The following MAP3K2 variants were observed in gnomAD, a reference collection of about 807,000 sequenced individuals.
MAP3K2 encodes the protein mitogen-activated protein kinase kinase kinase 2, also known as MAP/ERK kinase kinase 2.
A neutral mutation model predicts 80.3 loss-of-function variants in MAP3K2; 24 were observed. The ratio of observed to expected loss-of-function variants is 0.30; its 90% CI spans 0.22 to 0.42. The LOEUF (loss-of-function observed/expected upper bound fraction) is 0.42, where lower values mean the gene tolerates loss of function less well. MAP3K2 is among the 10% of genes least tolerant of loss of function. The pLI, the probability that MAP3K2 is intolerant of heterozygous loss-of-function variation, is 1.00. For synonymous variants in MAP3K2, 244 were observed against 253.7 expected, an observed-to-expected ratio of 0.96 and a Z score of 0.36; for missense variants, 608 against 750.1, an observed-to-expected ratio of 0.81 and a Z score of 2.21.
chr2:127,305,533 T>C lies in MAP3K2; in HGVS notation c.*2046A>G, dbSNP rs1472358323. 2 of 152,166 alleles carry C rather than the reference T, an allele frequency of 1.3e-5. No individual in the cohort carries two copies. The highest frequency in any genetic ancestry group is 2.9e-5 in the Non-Finnish European group (2 of 68,002). The allele number at this position is 152,166 out of a possible 1,614,324, so 9.4% of individuals were successfully genotyped here. On this transcript the variant is annotated 3_prime_UTR_variant, in exon 17 of 17. Coordinates refer to ENST00000682094, the MANE Select transcript of MAP3K2 (RefSeq NM_001371910.2). ...GACCTTGGCACAGTAAACCAAGATC[T>C]ACCTAACTTCAGAAACAAAGTATCG...
At position 127,304,636 on chromosome 2, in the gene MAP3K2, TTA is replaced by T. The variant is rs2104798919; in HGVS notation, c.*2941_*2942del. On this transcript the variant is annotated 3_prime_UTR_variant, in exon 17 of 17. Transcript: ENST00000682094. Reference sequence around the variant, plus strand: ...TGTGCATTTAAGAAACAAAACACATTTAGAGTTATCTTAAAAAGTTCAAATTG... The same window carrying T: ...TGTGCATTTAAGAAACAAAACACATTGAGTTATCTTAAAAAGTTCAAATTG... 6.6e-6 allele frequency: 1 copy of T among 152,396 alleles called. No individual in the cohort carries two copies. The highest frequency in any genetic ancestry group is 2.4e-5 in the African/African-American group (1 of 41,524). 9.4% of individuals were successfully genotyped at this position (152,396 alleles called of 1,614,324 possible).
At position 127,306,385 on chromosome 2, in the gene MAP3K2, A is replaced by C. The variant is rs550894033; in HGVS notation, c.*1194T>G. The C allele has an allele frequency of 2.6e-5, 4 of 152,246 alleles. No homozygotes were observed. The South Asian group carries it at 8.3e-4, about 32-fold the overall frequency. 9.4% of individuals were successfully genotyped at this position (152,246 alleles called of 1,614,324 possible). A position where few individuals can be genotyped will look rare whatever the true frequency, so the allele number is the denominator to read the frequency against. ...CAATTCATGTTACTAGTATCCCTCCAATTGTGACAACCGGAAATGTCTCTA... is the reference window on the plus strand; with the variant it reads ...CAATTCATGTTACTAGTATCCCTCCCATTGTGACAACCGGAAATGTCTCTA... On this transcript the variant is annotated 3_prime_UTR_variant, in exon 17 of 17. Coordinates refer to ENST00000682094, the MANE Select transcript of MAP3K2 (RefSeq NM_001371910.2). This position sits in a 1 kb window ranked among gnomAD's most constrained non-coding sequence, Gnocchi z 4.7.
chr2:127,350,454 C>CAAAA (rs752516255), intron 1 of MAP3K2, among the ~76,000 whole-genome samples: 17 of 99,410 alleles, frequency 1.7e-4, no homozygotes, highest in African/African-American at 5.1e-4. Flanking sequence ...AAAACAAAAA[C>CAAAA]AAAAAAAAAA....
intron 5 of MAP3K2, among the ~76,000 whole-genome samples, 159 bp from the exon 6 acceptor site, chr2:127,330,664 C>T (rs1686238901): frequency 6.6e-6 from 1 of 152,176 alleles, no homozygotes; most frequent in African/African-American, 2.4e-5. Context: ...GTTTTGCCCT[C>T]CTCATTCTAC....
chr2:127,380,719 G>A (rs978485262), intron 1 of MAP3K2, among the ~76,000 whole-genome samples: 8 of 152,104 alleles, frequency 5.3e-5, no homozygotes, highest in African/African-American at 1.9e-4. Context: ...TAACTACCAA[G>A]AGAAATATAG....
chr2:127,388,248 C>A (rs921479205), upstream of MAP3K2: 1 of 985,022 alleles, frequency 1.0e-6, no homozygotes, highest in African/African-American at 1.8e-5. Flanking sequence ...GCATACGCAC[C>A]TGGGTTGTCT....
In MAP3K2 at chr2:127,307,399, T is replaced by C. The variant is rs1401267268; in HGVS notation, c.*180A>G. On this transcript the variant is annotated 3_prime_UTR_variant, in exon 17 of 17. Transcript: ENST00000682094. This position sits in a 1 kb window ranked among gnomAD's most constrained non-coding sequence, Gnocchi z 5.4. ...TTGTAAGGGAAAAAAAGATTAAATATAAAAAATTTAGGATATTATTATTAT... is the reference window on the plus strand; with the variant it reads ...TTGTAAGGGAAAAAAAGATTAAATACAAAAAATTTAGGATATTATTATTAT... The C allele has an allele frequency of 5.1e-6, 2 of 389,070 alleles. No individual in the cohort carries two copies. Among genetic ancestry groups the C allele is most frequent in the African/African-American group, 2.1e-5 (1 of 47,982 alleles). 24.1% of individuals were successfully genotyped at this position (389,070 alleles called of 1,614,324 possible).
chr2:127,359,734 C>T (rs1286100946), intron 1 of MAP3K2, among the ~76,000 whole-genome samples: 4 of 152,068 alleles, frequency 2.6e-5, no homozygotes, highest in Admixed American at 6.6e-5. Flanking sequence ...GAGATCTGGA[C>T]GTTTAAAAGT....
At chr2:127,342,770 C>G (rs984439589) in intron 2 of MAP3K2, among the ~76,000 whole-genome samples, 1 of 152,110 alleles carries the variant, frequency 6.6e-6, no homozygotes, top group Admixed American at 6.5e-5. Context: ...AATATACGAC[C>G]AAGAGTTGTA....
intron 5 of MAP3K2, among the ~76,000 whole-genome samples, chr2:127,332,886 T>C (rs1166067052): frequency 1.3e-5 from 2 of 152,064 alleles, no homozygotes; most frequent in Non-Finnish European, 2.9e-5. Flanking sequence ...TCTCAGCACT[T>C]TGGGAGGCTG....
rs1240801137 is a variant in MAP3K2, at chr2:127,300,562, G to A, written c.*7017C>T. On this transcript the variant is annotated 3_prime_UTR_variant, in exon 17 of 17. Coordinates refer to ENST00000682094, the MANE Select transcript of MAP3K2 (RefSeq NM_001371910.2). Reference sequence around the variant, plus strand: ...AAAAAGAACCATGTGAAATGTAAGAGATGTCAGACATTAAAAGTATTTTTG... The same window carrying A: ...AAAAAGAACCATGTGAAATGTAAGAAATGTCAGACATTAAAAGTATTTTTG... 6.6e-6 allele frequency: 1 copy of A among 152,090 alleles called. No homozygotes were observed. The allele number at this position is 152,090 out of a possible 1,614,324, so 9.4% of individuals were successfully genotyped here. A position where few individuals can be genotyped will look rare whatever the true frequency, so the allele number is the denominator to read the frequency against.
intron 15 of MAP3K2, among the ~76,000 whole-genome samples, chr2:127,313,617 A>G (rs903154902): frequency 6.6e-6 from 1 of 152,250 alleles, no homozygotes; most frequent in African/African-American, 2.4e-5. Flanking sequence ...ACATGCAAAT[A>G]CAAACGTGTA....
intron 2 of MAP3K2, among the ~76,000 whole-genome samples, chr2:127,341,129 A>G (rs1686475233): frequency 6.6e-6 from 1 of 151,792 alleles, no homozygotes; most frequent in Non-Finnish European, 1.5e-5. Context: ...AGCTGGGACT[A>G]CAGGCACCCC....
chr2:127,324,136 C>A, intron 10 of MAP3K2, 38 bp downstream of exon 10: 1 of 1,368,540 alleles, frequency 7.3e-7, no homozygotes, highest in Non-Finnish European at 9.9e-7. Context: ...TATCCAATGA[C>A]ATAAACATTT....
At chr2:127,361,287 T>C (rs1574001841) in intron 1 of MAP3K2, among the ~76,000 whole-genome samples, 1 of 124,236 alleles carries the variant, frequency 8.0e-6, no homozygotes, top group African/African-American at 3.3e-5. Flanking sequence ...CACTCCAGCC[T>C]GGGGGACAGA....
intron 15 of MAP3K2, among the ~76,000 whole-genome samples, chr2:127,312,662 A>G (rs565119457): frequency 1.3e-5 from 2 of 152,120 alleles, no homozygotes; most frequent in South Asian, 4.1e-4. Context: ...CCCTGACTCA[A>G]AATAAAAAAA....
chr2:127,340,986 G>C (rs188037362), intron 2 of MAP3K2, among the ~76,000 whole-genome samples: 3 of 151,730 alleles, frequency 2.0e-5, no homozygotes, highest in South Asian at 2.1e-4. Context: ...TTTCTTTTTG[G>C]GGGGGACGGG....
Position 127,372,576 on chromosome 2 carries a change from C to G in MAP3K2, c.-66+14876G>C, listed in dbSNP as rs117281222. On this transcript the variant is annotated intron_variant, in intron 1 of 16. Coordinates refer to ENST00000682094, the MANE Select transcript of MAP3K2 (RefSeq NM_001371910.2). ...ACGTGCCCCCTAACCTGTTGCGATT[C>G]AGAGGTAAGAAAGGCAGTTATACAA... 2.6e-3 allele frequency among the ~76,000 whole-genome samples: 392 copies of G among 152,248 alleles called. 6 individuals are homozygous for G. The East Asian group carries it at 0.028, about 11-fold the overall frequency.
In MAP3K2 at chr2:127,303,258, C is replaced by A. The variant is rs1415764931; in HGVS notation, c.*4321G>T. 1 of 150,488 alleles carries A rather than the reference C, an allele frequency of 6.6e-6. No individual in the cohort carries two copies. The highest frequency in any genetic ancestry group is 2.1e-4 in the South Asian group (1 of 4,782). The allele number at this position is 150,488 out of a possible 1,614,324, so 9.3% of individuals were successfully genotyped here. A position where few individuals can be genotyped will look rare whatever the true frequency, so the allele number is the denominator to read the frequency against. On this transcript the variant is annotated 3_prime_UTR_variant, in exon 17 of 17. Transcript: ENST00000682094. The stretch of plus-strand genomic sequence containing the variant: ...ACTGTTGACAGAGTTCAATTTCTAT[C>A]AAATGTTTTGGGTATTTTCACAATT...
Sources: allele counts gnomAD v4.1 joint callset (sites outside exome capture counted in the v4.1 genomes callset), GRCh38; gene constraint gnomAD v4.1.1; non-coding constraint Gnocchi (gnomAD v3.1); transcripts MANE v1.5; gene names NCBI Gene and HGNC (gene_info 2026-07-23, HGNC 2026-07-21).